FGF12: variants seen among roughly 807,000 people sequenced by gnomAD.
FGF12 encodes fibroblast growth factor 12.
FGF12 carries 14 observed loss-of-function variants against 23.6 expected under a neutral mutation model. The observed-to-expected ratio is 0.59, with a 90% CI of 0.39 to 0.93. FGF12 has a LOEUF of 0.93. Among genes scored for constraint, FGF12 ranks in the 40% least tolerant of loss-of-function variants. The pLI is 0.00. For synonymous variants in FGF12, 62 were observed against 77.3 expected, an observed-to-expected ratio of 0.80 and a Z score of 1.04; for missense variants, 175 against 217.8, an observed-to-expected ratio of 0.80 and a Z score of 1.24.
At chr3:192,513,693 T>G (rs968684073) in intron 2 of FGF12, among the ~76,000 whole-genome samples, 1 of 152,174 alleles carries the variant, frequency 6.6e-6, no homozygotes, top group African/African-American at 2.4e-5. Context: ...AAAGTAAAAT[T>G]ATTTGGAATT....
chr3:192,713,509 T>TA (rs1718762409), intron 2 of FGF12, among the ~76,000 whole-genome samples: 1 of 152,202 alleles, frequency 6.6e-6, no homozygotes, highest in African/African-American at 2.4e-5. Context: ...AGATTGTTTT[T>TA]ATACTGCTTT....
At chr3:192,544,467 T>C (rs1254640541) in intron 2 of FGF12, among the ~76,000 whole-genome samples, 1 of 152,190 alleles carries the variant, frequency 6.6e-6, no homozygotes, top group Non-Finnish European at 1.5e-5. Flanking sequence ...TGCGCTGCCT[T>C]CCTCTCTGAT....
intron 2 of FGF12, among the ~76,000 whole-genome samples, chr3:192,689,082 G>C (rs1260914338): frequency 2.0e-5 from 3 of 151,994 alleles, no homozygotes; most frequent in Non-Finnish European, 4.4e-5. Flanking sequence ...AGATGGAAGG[G>C]GTATATGGAT....
intron 2 of FGF12, among the ~76,000 whole-genome samples, chr3:192,647,301 T>A (rs1293802514): frequency 1.3e-5 from 2 of 152,082 alleles, no homozygotes; most frequent in African/African-American, 2.4e-5. Context: ...GGTTTTGGGT[T>A]CTATCTCACA....
chr3:192,165,975 A>T (rs1465794543), intron 5 of FGF12, among the ~76,000 whole-genome samples: 1 of 152,208 alleles, frequency 6.6e-6, no homozygotes, highest in African/African-American at 2.4e-5. Flanking sequence ...CTTAACAGAG[A>T]TAACATACGC....
chr3:192,259,956 A>C (rs1712644278), intron 4 of FGF12, among the ~76,000 whole-genome samples: 1 of 152,102 alleles, frequency 6.6e-6, no homozygotes, highest in Admixed American at 6.6e-5. Flanking sequence ...CTAATGGTTG[A>C]ATGTCTTCAC....
chr3:192,191,024 T>C (rs542452555), intron 4 of FGF12, among the ~76,000 whole-genome samples: 13 of 152,316 alleles, frequency 8.5e-5, no homozygotes, highest in African/African-American at 2.9e-4. Context: ...AAAACAATAA[T>C]AGATCTTGTA....
chr3:192,184,680 C>A (rs1024403982), intron 4 of FGF12, among the ~76,000 whole-genome samples: 1 of 152,200 alleles, frequency 6.6e-6, no homozygotes, highest in Non-Finnish European at 1.5e-5. Context: ...TGATTCAGAA[C>A]TTATGATTTG....
chr3:192,718,161 C>CTTTGTTTTTTTTT (rs1718920389), intron 2 of FGF12, among the ~76,000 whole-genome samples: 1 of 77,970 alleles, frequency 1.3e-5, no homozygotes, highest in African/African-American at 4.9e-5. Context: ...GTTAGTCTTT[C>CTTTGTTTTTTTTT]TTTTTTTTTT....
intron 4 of FGF12, among the ~76,000 whole-genome samples, chr3:192,315,116 T>C (rs1034530455): frequency 1.3e-5 from 2 of 152,162 alleles, no homozygotes; most frequent in Non-Finnish European, 2.9e-5. Flanking sequence ...ACTACTAGGT[T>C]TTTTGTTTGG....
At chr3:192,533,686 C>G (rs920336268) in intron 2 of FGF12, among the ~76,000 whole-genome samples, 1 of 152,162 alleles carries the variant, frequency 6.6e-6, no homozygotes, top group Non-Finnish European at 1.5e-5. Context: ...CAAAACTGTC[C>G]TCTATGTCTC....
chr3:192,691,913 T>C (rs1717955907), intron 2 of FGF12, among the ~76,000 whole-genome samples: 1 of 151,968 alleles, frequency 6.6e-6, no homozygotes, highest in Non-Finnish European at 1.5e-5. Context: ...TTTGATAGCC[T>C]AAGAGAAATG....
At chr3:192,231,190 T>C (rs975879886) in intron 4 of FGF12, among the ~76,000 whole-genome samples, 8 of 152,138 alleles carry the variant, frequency 5.3e-5, no homozygotes, top group Non-Finnish European at 2.9e-5. Context: ...TTAAATATTG[T>C]TGATATATTA....
At chr3:192,307,916 C>G (rs995075698) in intron 4 of FGF12, among the ~76,000 whole-genome samples, 1 of 152,110 alleles carries the variant, frequency 6.6e-6, no homozygotes, top group African/African-American at 2.4e-5. Flanking sequence ...ATTTTCACAC[C>G]ATACATCTTA....
chr3:192,496,130 G>A (rs1441800043), intron 2 of FGF12, among the ~76,000 whole-genome samples: 1 of 152,184 alleles, frequency 6.6e-6, no homozygotes, highest in East Asian at 1.9e-4. Context: ...ATTCTTAATA[G>A]GAGAAATTCA....
At chr3:192,208,628 A>G (rs2108674859) in intron 4 of FGF12, among the ~76,000 whole-genome samples, 1 of 152,350 alleles carries the variant, frequency 6.6e-6, no homozygotes, top group East Asian at 1.9e-4. Context: ...TACATTATTA[A>G]TATCAACGGA....
intron 2 of FGF12, among the ~76,000 whole-genome samples, chr3:192,446,431 G>C (rs1722357585): frequency 6.6e-6 from 1 of 152,186 alleles, no homozygotes; most frequent in Non-Finnish European, 1.5e-5. Context: ...TATCACGGAA[G>C]CATTAAATTA....
At chr3:192,371,216 G>A (rs576996490) in intron 2 of FGF12, among the ~76,000 whole-genome samples, 39 of 152,280 alleles carry the variant, frequency 2.6e-4, no homozygotes, top group Non-Finnish European at 4.9e-4. Context: ...AAGCCATTCA[G>A]GATAATCTAA....
At chr3:192,710,810 C>T (rs1187622222) in intron 2 of FGF12, among the ~76,000 whole-genome samples, 16 of 152,148 alleles carry the variant, frequency 1.1e-4, no homozygotes, top group Admixed American at 9.2e-4. Flanking sequence ...AGAGTGAATA[C>T]CACACTGAAA....
Sources: gnomAD v4.1 joint callset for allele counts (sites outside exome capture counted in the v4.1 genomes callset) on GRCh38, gnomAD v4.1.1 for gene constraint, MANE v1.5 for transcripts, NCBI Gene and HGNC (gene_info 2026-07-23, HGNC 2026-07-21) for gene names.